The following SLC25A28 variants were observed in gnomAD, a reference collection of about 807,000 sequenced individuals.
SLC25A28 encodes the protein solute carrier family 25 member 28, also known as mitoferrin-2.
In SLC25A28, 10 loss-of-function variants were observed where a neutral mutation model predicts 31.9. The ratio of observed to expected loss-of-function variants is 0.31; its 90% CI spans 0.19 to 0.53. The LOEUF (loss-of-function observed/expected upper bound fraction) is 0.53, where lower values mean the gene tolerates loss of function less well. Among genes scored for constraint, SLC25A28 ranks in the 20% least tolerant of loss-of-function variants. SLC25A28 has a pLI of 0.95. For synonymous variants in SLC25A28, 208 were observed against 203.6 expected, an observed-to-expected ratio of 1.02 and a Z score of -0.19; for missense variants, 256 against 490.3, an observed-to-expected ratio of 0.52 and a Z score of 4.51.
the SLC25A28 span, among the ~76,000 whole-genome samples, chr10:99,654,313 G>A: frequency 6.6e-6 from 1 of 152,086 alleles, no homozygotes; most frequent in Non-Finnish European, 1.5e-5. Flanking sequence ...AGGTAAGACT[G>A]CTCCAATATC....
chr10:99,654,283 T>C, the SLC25A28 span, among the ~76,000 whole-genome samples: 2 of 152,176 alleles, frequency 1.3e-5, no homozygotes, highest in Non-Finnish European at 2.9e-5. Context: ...AGGAATTTAG[T>C]ATTTCAAATA....
chr10:99,616,271 G>T, intron 1 of SLC25A28: 1 of 913,740 alleles, frequency 1.1e-6, no homozygotes, highest in Non-Finnish European at 1.3e-6. Context: ...AGCTTTGCTA[G>T]TTGTGTGATC....
At chr10:99,616,555 A>C in intron 1 of SLC25A28, 1 of 985,372 alleles carries the variant, frequency 1.0e-6, no homozygotes, top group Non-Finnish European at 1.2e-6. Flanking sequence ...GTCCTTAGCC[A>C]CCAATAAATC....
the SLC25A28 span, among the ~76,000 whole-genome samples, chr10:99,636,107 C>A: frequency 6.6e-6 from 1 of 152,166 alleles, no homozygotes. Flanking sequence ...TTAAACTATA[C>A]CTTGGAACAA....
chr10:99,634,160 C>T, the SLC25A28 span, among the ~76,000 whole-genome samples: 2 of 152,324 alleles, frequency 1.3e-5, no homozygotes, highest in East Asian at 3.9e-4. Flanking sequence ...GCCTTCAGCC[C>T]TAGACCTTCC....
At chr10:99,643,816 A>C in the SLC25A28 span, among the ~76,000 whole-genome samples, 1 of 151,952 alleles carries the variant, frequency 6.6e-6, no homozygotes, top group Non-Finnish European at 1.5e-5. Context: ...CCTTCATTTC[A>C]TTATGTACCC....
chr10:99,640,296 G>A, the SLC25A28 span, among the ~76,000 whole-genome samples: 1 of 152,196 alleles, frequency 6.6e-6, no homozygotes, highest in Non-Finnish European at 1.5e-5. Context: ...GATAGAGAAT[G>A]CACTTCCACA....
intron 1 of SLC25A28, chr10:99,616,234 G>C: frequency 1.0e-6 from 1 of 977,078 alleles, no homozygotes; most frequent in Non-Finnish European, 1.2e-6. Context: ...AGCCACATTT[G>C]AGTCAAAAAG....
chr10:99,635,855 A>G, the SLC25A28 span, among the ~76,000 whole-genome samples: 2 of 152,242 alleles, frequency 1.3e-5, no homozygotes, highest in Non-Finnish European at 2.9e-5. Context: ...TTAAAGCAAC[A>G]GTGGTTAAAA....
At chr10:99,625,969 T>C in the SLC25A28 span, among the ~76,000 whole-genome samples, 1 of 152,220 alleles carries the variant, frequency 6.6e-6, no homozygotes, top group Admixed American at 6.5e-5. Context: ...TGTTAAGCAA[T>C]TGCTGTTAAT....
chr10:99,618,146 G>T, intron 1 of SLC25A28: 1 of 457,270 alleles, frequency 2.2e-6, no homozygotes, highest in South Asian at 9.2e-5. Context: ...GCAAAGATTT[G>T]CCTCCCTTAA....
At chr10:99,636,516 G>A in the SLC25A28 span, among the ~76,000 whole-genome samples, 2 of 152,146 alleles carry the variant, frequency 1.3e-5, no homozygotes, top group African/African-American at 2.4e-5. Flanking sequence ...CAAAAAGGCT[G>A]AAACAGCACA....
At chr10:99,646,755 T>C in the SLC25A28 span, among the ~76,000 whole-genome samples, 1 of 152,254 alleles carries the variant, frequency 6.6e-6, no homozygotes, top group Non-Finnish European at 1.5e-5. Flanking sequence ...TCTGCACTTT[T>C]AGTGTACCCA....
chr10:99,648,119 C>T, the SLC25A28 span, among the ~76,000 whole-genome samples: 1 of 151,956 alleles, frequency 6.6e-6, no homozygotes, highest in South Asian at 2.1e-4. Flanking sequence ...ATGCCTCAGC[C>T]TTGCAAATAG....
chr10:99,637,422 A>G, the SLC25A28 span, among the ~76,000 whole-genome samples: 119 of 152,234 alleles, frequency 7.8e-4, no homozygotes, highest in Non-Finnish European at 1.4e-3. Context: ...CAACATAGTA[A>G]TGGAAGTCCC....
chr10:99,619,288 C>G (rs2034729734), intron 1 of SLC25A28: 1 of 985,290 alleles, frequency 1.0e-6, no homozygotes, highest in African/African-American at 1.7e-5. Flanking sequence ...CAACTTCTCC[C>G]TTTTTGCCAA....
At chr10:99,647,530 T>C in the SLC25A28 span, among the ~76,000 whole-genome samples, 190 of 152,220 alleles carry the variant, frequency 1.2e-3, 4 homozygotes, top group Non-Finnish European at 3.4e-4. Flanking sequence ...TCTTGTTGAG[T>C]TCTTTGAGTT....
chr10:99,632,107 A>G, the SLC25A28 span, among the ~76,000 whole-genome samples: 52 of 151,220 alleles, frequency 3.4e-4, no homozygotes, highest in Admixed American at 7.9e-4. Flanking sequence ...CTTGTTAGCC[A>G]GGATGGTCTC....
chr10:99,641,619 G>A, the SLC25A28 span, among the ~76,000 whole-genome samples: 2 of 152,124 alleles, frequency 1.3e-5, no homozygotes, highest in South Asian at 4.1e-4. Flanking sequence ...TACTTTTGGT[G>A]TTTTAGTCAT....
Sources: gnomAD v4.1 joint callset for allele counts (sites outside exome capture counted in the v4.1 genomes callset) on GRCh38, gnomAD v4.1.1 for gene constraint, MANE v1.5 for transcripts, NCBI Gene and HGNC (gene_info 2026-07-23, HGNC 2026-07-21) for gene names.